The following SLC30A8 variants were observed in gnomAD, a reference collection of about 807,000 sequenced individuals.
The protein encoded by SLC30A8 is proton-coupled zinc antiporter SLC30A8.
A neutral mutation model predicts 36.9 loss-of-function variants in SLC30A8; 27 were observed. The observed-to-expected ratio is 0.73, with a 90% CI of 0.54 to 1.01. The LOEUF (loss-of-function observed/expected upper bound fraction) is 1.01, where lower values mean the gene tolerates loss of function less well. Ranked by LOEUF, SLC30A8 falls within the 50% of genes least tolerant of loss-of-function variation. The probability of loss-of-function intolerance (pLI) is 0.00; values close to 1 mark genes in which losing one functional copy is unlikely to be tolerated. For synonymous variants in SLC30A8, 164 were observed against 172.4 expected, an observed-to-expected ratio of 0.95 and a Z score of 0.38; for missense variants, 439 against 452.0, an observed-to-expected ratio of 0.97 and a Z score of 0.26.
intron 4 of SLC30A8, among the ~76,000 whole-genome samples, chr8:117,161,512 G>T (rs145767516): frequency 2.4e-3 from 369 of 152,302 alleles, no homozygotes; most frequent in Non-Finnish European, 2.7e-3. Context: ...TTAGGTGGAT[G>T]AATGAGTAAA....
chr8:117,118,382 C>CT (rs370937603), intron 2 of SLC30A8, among the ~76,000 whole-genome samples: 25 of 151,988 alleles, frequency 1.6e-4, no homozygotes, highest in African/African-American at 5.5e-4. Context: ...CAAATACTGT[C>CT]TAAAAACTCT....
chr8:117,157,411 GT>G (rs1327337367), intron 3 of SLC30A8, among the ~76,000 whole-genome samples: 7 of 152,150 alleles, frequency 4.6e-5, no homozygotes, highest in African/African-American at 1.7e-4. Flanking sequence ...AAAACAGGGG[GT>G]AGGGGCAGGC....
intron 1 of SLC30A8, among the ~76,000 whole-genome samples, chr8:116,959,100 C>T (rs1411135721): frequency 2.6e-5 from 4 of 152,176 alleles, no homozygotes; most frequent in Non-Finnish European, 4.4e-5. Flanking sequence ...CTGCCCGCCT[C>T]GGCCTCCCAA....
At chr8:117,006,612 G>A (rs1586388678) in intron 1 of SLC30A8, among the ~76,000 whole-genome samples, 2 of 151,940 alleles carry the variant, frequency 1.3e-5, no homozygotes, top group South Asian at 4.2e-4. Flanking sequence ...GGATCTGTTG[G>A]CTTGGAAAAA....
intron 1 of SLC30A8, among the ~76,000 whole-genome samples, chr8:116,953,096 C>T (rs1814053600): frequency 6.6e-6 from 1 of 152,092 alleles, no homozygotes; most frequent in Non-Finnish European, 1.5e-5. Context: ...TAAAGTTTAG[C>T]TCCCACTTAT....
At chr8:116,953,362 A>G (rs1814066955) in intron 1 of SLC30A8, among the ~76,000 whole-genome samples, 1 of 152,048 alleles carries the variant, frequency 6.6e-6, no homozygotes, top group African/African-American at 2.4e-5. Context: ...ATTCTTTCTA[A>G]TACGACTATT....
At chr8:116,968,764 G>T (rs559757559) in intron 1 of SLC30A8, among the ~76,000 whole-genome samples, 1 of 151,838 alleles carries the variant, frequency 6.6e-6, no homozygotes, top group South Asian at 2.1e-4. Flanking sequence ...TTGAGATGGA[G>T]TCTCGTTCTG....
At chr8:117,120,158 C>T (rs1820629566) in intron 2 of SLC30A8, among the ~76,000 whole-genome samples, 1 of 151,518 alleles carries the variant, frequency 6.6e-6, no homozygotes, top group South Asian at 2.1e-4. Context: ...CACAAAATAA[C>T]TAAAGTAATC....
chr8:117,157,229 G>A (rs1013802452), intron 3 of SLC30A8, among the ~76,000 whole-genome samples: 1 of 152,166 alleles, frequency 6.6e-6, no homozygotes, highest in Non-Finnish European at 1.5e-5. Flanking sequence ...GCTCTCTGAA[G>A]CTTTCCCTTT....
At chr8:117,036,501 A>G (rs1482040101) in intron 1 of SLC30A8, among the ~76,000 whole-genome samples, 1 of 152,194 alleles carries the variant, frequency 6.6e-6, no homozygotes, top group Non-Finnish European at 1.5e-5. Flanking sequence ...TTTATAAAGA[A>G]AAGAGGTTTC....
At chr8:117,019,958 T>C (rs1222135523) in intron 1 of SLC30A8, among the ~76,000 whole-genome samples, 1 of 152,154 alleles carries the variant, frequency 6.6e-6, no homozygotes, top group African/African-American at 2.4e-5. Flanking sequence ...AACAACACTT[T>C]CAGATTTTAT....
Position 117,163,450 on chromosome 8 carries a change from T to C in SLC30A8, c.749T>C (p.Ile250Thr). The change falls in exon 6 of 8, where the codon ATC (isoleucine) becomes ACC (threonine). Residue 250 changes from isoleucine to threonine, a missense_variant. Ile to Thr is a moderately conservative substitution (Grantham distance 89, BLOSUM62 -1). Transcript: ENST00000456015. The part of the protein sequence containing the change: ...FKPEYKIADP[I>T]CTFIFSILVL... ...CCAGAGTATAAAATAGCCGACCCAA[T>C]CTGCACATTCATCTTTTCCATCCTG... 1 of 1,613,478 alleles carries C rather than the reference T, an allele frequency of 6.2e-7. No individual in the cohort carries two copies. Among genetic ancestry groups the C allele is most frequent in the Non-Finnish European group, 8.5e-7 (1 of 1,179,634 alleles).
chr8:117,171,083 A>G lies in SLC30A8; in HGVS notation c.879A>G (p.Ala293=). The G allele has an allele frequency of 6.2e-7, 1 of 1,612,036 alleles. No individual in the cohort carries two copies. ...GTGGTGTGAAAGAGCTTATTTTAGC[A>G]GTCGACGGGGTGCTGTCTGTGCACA... ...NYSGVKELIL[A]VDGVLSVHSL... Residue 293 remains alanine (A), a synonymous_variant, in exon 7 of 8, where the codon GCA becomes GCG. Transcript: ENST00000456015.
chr8:116,973,915 C>G (rs28863874), intron 1 of SLC30A8, among the ~76,000 whole-genome samples: 2,240 of 152,214 alleles, frequency 0.015, 62 homozygotes, highest in African/African-American at 0.051. Flanking sequence ...CTTTGACAAA[C>G]CTGACAAAAA....
Position 116,998,320 on chromosome 8 carries a change from T to C in SLC30A8, c.-265-40899T>C, listed in dbSNP as rs112662830. ...TCAAGTGGCAATGATGGCCAGAAAT[T>C]TGGCTTCTTCAAGAAGCAGAGGGTC... On this transcript the variant is annotated intron_variant, in intron 1 of 10. Transcript: ENST00000427715. 5.8e-3 allele frequency among the ~76,000 whole-genome samples: 884 copies of C among 152,238 alleles called. 9 individuals carry two copies. Among genetic ancestry groups the C allele is most frequent in the African/African-American group, 0.02 (833 of 41,532 alleles).
chr8:117,044,231 T>C (rs1817476995), intron 2 of SLC30A8, among the ~76,000 whole-genome samples: 2 of 152,160 alleles, frequency 1.3e-5, no homozygotes, highest in South Asian at 4.1e-4. Context: ...GAATTCACCA[T>C]TGTTTCTGGG....
At chr8:117,034,091 A>T (rs1246725560) in intron 1 of SLC30A8, among the ~76,000 whole-genome samples, 1 of 152,216 alleles carries the variant, frequency 6.6e-6, no homozygotes, top group Non-Finnish European at 1.5e-5. Context: ...AGAAATAAAA[A>T]GATAGGAGGA....
rs145939407 is a variant in SLC30A8, at chr8:117,057,694, G to T, written c.-226+18436G>T. 7.4e-4 allele frequency among the ~76,000 whole-genome samples: 112 copies of T among 152,246 alleles called. 1 individual carries two copies. The highest frequency in any genetic ancestry group is 2.4e-3 in the African/African-American group (99 of 41,568). On this transcript the variant is annotated intron_variant, in intron 2 of 10. Transcript: ENST00000427715. The stretch of plus-strand genomic sequence containing the variant: ...TTATCCATGTTGCCAAAAATGGTAA[G>T]ATTTTCTTCATTTTAATGGCTGAAT...
At chr8:117,055,864 A>G (rs1460976188) in intron 2 of SLC30A8, 2 of 152,224 alleles carry the variant, frequency 1.3e-5, no homozygotes, top group Non-Finnish European at 2.9e-5. Flanking sequence ...GAGCAAAATT[A>G]AGACAGAAAC....
Sources: allele counts gnomAD v4.1 joint callset (sites outside exome capture counted in the v4.1 genomes callset), GRCh38; gene constraint gnomAD v4.1.1; transcripts MANE v1.5; gene names NCBI Gene and HGNC (gene_info 2026-07-23, HGNC 2026-07-21).